The following FBXL13 variants were observed in gnomAD, a reference collection of about 807,000 sequenced individuals.
The protein encoded by FBXL13 is F-box and leucine-rich repeat protein 13.
A neutral mutation model predicts 83.6 loss-of-function variants in FBXL13; 67 were observed. That is an observed-to-expected ratio of 0.80 (90% CI 0.66 to 0.98). The LOEUF (loss-of-function observed/expected upper bound fraction) is 0.98. Among genes scored for constraint, FBXL13 ranks in the 50% least tolerant of loss-of-function variants. FBXL13 has a pLI of 0.00. For synonymous variants in FBXL13, 272 were observed against 299.5 expected (o/e 0.91, Z 0.95); for missense variants, 822 against 866.5 (o/e 0.95, Z 0.64).
At chr7:103,068,251 A>AT (rs1279774260) in intron 1 of FBXL13, among the ~76,000 whole-genome samples, 1 of 152,198 alleles carries the variant, frequency 6.6e-6, no homozygotes, top group East Asian at 1.9e-4. Context: ...AAACATAGAG[A>AT]TTGGTACATA....
intron 3 of FBXL13, 24 bp from the exon 5 acceptor site, chr7:103,028,772 A>G: frequency 6.5e-7 from 1 of 1,528,854 alleles, no homozygotes; most frequent in Non-Finnish European, 8.7e-7. Flanking sequence ...ACATTTTTTA[A>G]AAAATAATAT....
At chr7:102,952,574 A>G (rs1435189935) in intron 8 of FBXL13, among the ~76,000 whole-genome samples, 1 of 152,350 alleles carries the variant, frequency 6.6e-6, no homozygotes, top group African/African-American at 2.4e-5. Flanking sequence ...AATTAGATAA[A>G]CTGCATGGAA....
Position 102,824,629 on chromosome 7 carries a change from G to A in FBXL13, c.1855-2426C>T, listed in dbSNP as rs1439645620. Among the ~76,000 whole-genome samples, 4 of 151,990 alleles carry A rather than the reference G, an allele frequency of 2.6e-5. No homozygotes were observed. In the East Asian group the frequency reaches 7.7e-4, roughly 29 times the overall value. ...GCCTCCTGTGTAGCTGGGATTACAG[G>A]TGCCCGCCACCACGCCCAACTAATT... On this transcript the variant is annotated intron_variant, in intron 18 of 19. Transcript: ENST00000313221.
At chr7:102,846,752 C>CTTAAGAATCGTTCCTAAGT (rs1294342728) in intron 17 of FBXL13, among the ~76,000 whole-genome samples, 1 of 152,096 alleles carries the variant, frequency 6.6e-6, no homozygotes, top group East Asian at 1.9e-4. Context: ...ACTAAGGAAG[C>CTTAAGAATCGTTCCTAAGT]TTAATGGACA....
At chr7:102,983,191 T>A (rs1448514306) in intron 6 of FBXL13, among the ~76,000 whole-genome samples, 1 of 152,146 alleles carries the variant, frequency 6.6e-6, no homozygotes, top group Non-Finnish European at 1.5e-5. Flanking sequence ...ACTGCCTCAG[T>A]GGAGGCCATT....
At chr7:102,844,793 C>G (rs1014353774) in intron 17 of FBXL13, among the ~76,000 whole-genome samples, 9 of 152,134 alleles carry the variant, frequency 5.9e-5, no homozygotes, top group Non-Finnish European at 1.2e-4. Context: ...ATCGCAAGTC[C>G]CAGGTTGTCA....
At chr7:103,009,934 G>A (rs1489398718) in intron 6 of FBXL13, among the ~76,000 whole-genome samples, 2 of 152,160 alleles carry the variant, frequency 1.3e-5, no homozygotes, top group Non-Finnish European at 2.9e-5. Flanking sequence ...CCCACCACTG[G>A]TAGCCAGGCT....
chr7:102,946,088 G>C (rs918225838), intron 8 of FBXL13, among the ~76,000 whole-genome samples: 1 of 152,128 alleles, frequency 6.6e-6, no homozygotes, highest in African/African-American at 2.4e-5. Context: ...CACCATGTTG[G>C]TCAGGCTGGT....
chr7:102,956,767 G>A (rs1245304405), intron 8 of FBXL13, among the ~76,000 whole-genome samples: 1 of 152,144 alleles, frequency 6.6e-6, no homozygotes, highest in East Asian at 1.9e-4. Context: ...CAGATTATGA[G>A]TGAATTCCCA....
At chr7:102,939,406 C>T (rs767374195) in intron 8 of FBXL13, 10 of 1,587,930 alleles carry the variant, frequency 6.3e-6, no homozygotes, top group African/African-American at 4.1e-5. Flanking sequence ...AGCATAATAA[C>T]GTAAATATTA....
intron 19 of FBXL13, among the ~76,000 whole-genome samples, chr7:102,821,283 C>A (rs1230766432): frequency 6.6e-6 from 1 of 152,176 alleles, no homozygotes; most frequent in African/African-American, 2.4e-5. Flanking sequence ...TCTCTCTGAT[C>A]CAACTCCAGC....
At chr7:102,914,217 C>T (rs551368072) in intron 10 of FBXL13, among the ~76,000 whole-genome samples, 61 of 152,162 alleles carry the variant, frequency 4.0e-4, no homozygotes, top group African/African-American at 6.8e-4. Flanking sequence ...GGATTACAGG[C>T]GCGTGCCAAC....
chr7:102,875,654 A>G (rs1809129087), intron 16 of FBXL13, among the ~76,000 whole-genome samples: 1 of 152,168 alleles, frequency 6.6e-6, no homozygotes, highest in South Asian at 2.1e-4. Context: ...TGAGCATGCA[A>G]AACTGAGGAG....
intron 16 of FBXL13, 32 bp downstream of exon 17, chr7:102,877,435 A>G: frequency 6.7e-7 from 1 of 1,501,900 alleles, no homozygotes; most frequent in Non-Finnish European, 8.9e-7. Context: ...AGAAAACAAT[A>G]AAAGTCATTG....
chr7:102,909,447 G>A (rs1049793969), intron 11 of FBXL13, among the ~76,000 whole-genome samples: 9 of 152,012 alleles, frequency 5.9e-5, no homozygotes, highest in East Asian at 5.8e-4. Flanking sequence ...CTTTTCCCTC[G>A]CAAGCAAGAG....
chr7:103,036,069 C>T lies in FBXL13; in HGVS notation c.1-6651G>A, dbSNP rs1011412370. 2.6e-5 allele frequency among the ~76,000 whole-genome samples: 4 copies of T among 152,150 alleles called. No homozygotes were observed. In the East Asian group the frequency reaches 5.8e-4, roughly 22 times the overall value. On this transcript the variant is annotated intron_variant, in intron 2 of 19. Coordinates refer to ENST00000313221, the Ensembl canonical transcript of FBXL13. ...GCAGCATTAGATTCTCATGGGAGCACGAACCCCACTGTGAACTGTGCATGC... is the reference window on the plus strand; with the variant it reads ...GCAGCATTAGATTCTCATGGGAGCATGAACCCCACTGTGAACTGTGCATGC...
chr7:102,848,711 A>G (rs1804624123), intron 17 of FBXL13, among the ~76,000 whole-genome samples: 1 of 152,004 alleles, frequency 6.6e-6, no homozygotes, highest in Non-Finnish European at 1.5e-5. Context: ...AAGCAACCAG[A>G]GGCCAGGCAC....
intron 6 of FBXL13, among the ~76,000 whole-genome samples, chr7:102,980,506 G>A (rs1411414444): frequency 2.6e-5 from 4 of 152,188 alleles, no homozygotes; most frequent in East Asian, 3.8e-4. Context: ...AGCCGGGTGC[G>A]GTGGCTTACG....
intron 10 of FBXL13, among the ~76,000 whole-genome samples, chr7:102,914,916 G>C (rs933192278): frequency 6.6e-6 from 1 of 152,258 alleles, no homozygotes; most frequent in South Asian, 2.1e-4. Context: ...GGGGTGGGGA[G>C]AGGCACACCA....
Sources: gnomAD v4.1 joint callset for allele counts (sites outside exome capture counted in the v4.1 genomes callset) on GRCh38, gnomAD v4.1.1 for gene constraint, MANE v1.5 for transcripts, NCBI Gene and HGNC (gene_info 2026-07-23, HGNC 2026-07-21) for gene names.